The following ANKRD30B variants were observed in gnomAD, a reference collection of about 807,000 sequenced individuals.
ANKRD30B encodes ankyrin repeat domain 30B.
ANKRD30B carries 144 observed loss-of-function variants against 202.2 expected under a neutral mutation model. That is an observed-to-expected ratio of 0.71 (90% CI 0.62 to 0.82). ANKRD30B has a LOEUF of 0.82. Ranked by LOEUF, ANKRD30B falls within the 40% of genes least tolerant of loss-of-function variation. The pLI is 0.00. For missense variants in ANKRD30B, 1,487 were observed against 1,669.1 expected (o/e 0.89, Z 1.90); for synonymous variants, 508 against 561.3 (o/e 0.91, Z 1.34).
rs56844279 is a variant in ANKRD30B, at chr18:14,771,819, G to A, written c.1257-337G>A. 1.4e-3 allele frequency among the ~76,000 whole-genome samples: 216 copies of A among 152,242 alleles called. 1 individual carries two copies. Among genetic ancestry groups the A allele is most frequent in the African/African-American group, 4.9e-3 (205 of 41,558 alleles). ...ATGTCAGCCATTAAGTAGATTTCCA[G>A]TTCATCATTGAGGACAGTTTGTGAG... On this transcript the variant is annotated intron_variant, in intron 8 of 43. Coordinates refer to ENST00000690538, the MANE Select transcript of ANKRD30B (RefSeq NM_001367607.2).
chr18:14,748,570 G>A lies in ANKRD30B; in HGVS notation c.151G>A (p.Val51Ile), dbSNP rs1912855794. The change falls in exon 1 of 44, where the codon GTC becomes ATC. Residue 51 changes from valine to isoleucine, a missense_variant. Physicochemically the swap from Val to Ile is conservative, Grantham distance 29. Transcript: ENST00000690538. ...CCATACAGCTGCCTCCCGGGGCCAA[G>A]TCCAGAAGCTGGAGAAGATGACAGT... ...KIHTAASRGQVQKLEKMTVGK... is the reference protein window; with the variant it reads ...KIHTAASRGQIQKLEKMTVGK... The A allele has an allele frequency of 1.9e-6, 3 of 1,562,372 alleles. No homozygotes were observed. In the South Asian group the frequency reaches 3.5e-5, roughly 18 times the overall value.
chr18:14,791,061 A>G (rs1336181195), intron 15 of ANKRD30B, among the ~76,000 whole-genome samples: 1 of 152,156 alleles, frequency 6.6e-6, no homozygotes, highest in Non-Finnish European at 1.5e-5. Flanking sequence ...TATTGCCACA[A>G]TTTCAGATCC....
chr18:14,860,942 C>T, the ANKRD30B span, among the ~76,000 whole-genome samples: 3 of 151,620 alleles, frequency 2.0e-5, no homozygotes, highest in African/African-American at 7.2e-5. Context: ...CTCAGGTGAT[C>T]TGCCTGCCTT....
chr18:14,911,419 A>G, the ANKRD30B span, among the ~76,000 whole-genome samples: 1 of 152,176 alleles, frequency 6.6e-6, no homozygotes, highest in Non-Finnish European at 1.5e-5. Context: ...GACTTTGTCA[A>G]AGATAATTTG....
intron 16 of ANKRD30B, among the ~76,000 whole-genome samples, 189 bp from the exon 17 acceptor site, chr18:14,796,032 G>A (rs1369580510): frequency 3.3e-5 from 5 of 151,978 alleles, no homozygotes; most frequent in Non-Finnish European, 1.5e-5. Context: ...TATTTTTTAA[G>A]TTTTCTTAAG....
the ANKRD30B span, among the ~76,000 whole-genome samples, chr18:14,873,513 AG>A: frequency 7.1e-6 from 1 of 141,106 alleles, no homozygotes; most frequent in East Asian, 2.1e-4. Flanking sequence ...TGACAGAGCA[AG>A]ACTCCGTTTC....
At chr18:14,827,975 A>G (rs997653054) in intron 32 of ANKRD30B, among the ~76,000 whole-genome samples, 1 of 152,248 alleles carries the variant, frequency 6.6e-6, no homozygotes, top group African/African-American at 2.4e-5. Flanking sequence ...GTATGGTCCC[A>G]AAAGAATGCT....
chr18:14,823,849 C>T (rs367929819), intron 32 of ANKRD30B, among the ~76,000 whole-genome samples: 2 of 152,076 alleles, frequency 1.3e-5, no homozygotes, highest in Admixed American at 6.6e-5. Context: ...GTGGTGGGTG[C>T]CTGTAATCTC....
the ANKRD30B span, among the ~76,000 whole-genome samples, chr18:14,908,658 CTGTGTCTTTAGCTCCCG>C: frequency 6.6e-6 from 1 of 152,154 alleles, no homozygotes; most frequent in African/African-American, 2.4e-5. Context: ...CTTTTAGTGT[CTGTGTCTTTAGCTCCCG>C]TGTGGAGCCC....
the ANKRD30B span, among the ~76,000 whole-genome samples, chr18:14,869,145 G>A: frequency 5.9e-5 from 9 of 152,290 alleles, no homozygotes; most frequent in South Asian, 1.0e-3. Context: ...CAGCTCCATT[G>A]GAGAAGAGAT....
the ANKRD30B span, among the ~76,000 whole-genome samples, chr18:14,896,432 A>G: frequency 2.6e-5 from 4 of 152,012 alleles, no homozygotes; most frequent in African/African-American, 9.7e-5. Context: ...CGCCCGGCCT[A>G]TCTGCTCAAT....
rs1361719407 is a variant in ANKRD30B at position 14,748,319 on chromosome 18, G to A, written c.-101G>A. On this transcript the variant is annotated 5_prime_UTR_variant, in exon 1 of 44. Coordinates refer to ENST00000690538, the MANE Select transcript of ANKRD30B (RefSeq NM_001367607.2). ...GAAGACGGGCGAGTGCGAGCCGGGG[G>A]CGGGTGCTGGGGAAGGGTAAGCGGG... 6 of 985,926 alleles carry A rather than the reference G, an allele frequency of 6.1e-6. No individual in the cohort carries two copies. The highest frequency in any genetic ancestry group is 3.3e-5 in the African/African-American group (2 of 60,518). The allele number at this position is 985,926 out of a possible 1,614,324, so 61.1% of individuals were successfully genotyped here.
the ANKRD30B span, among the ~76,000 whole-genome samples, chr18:14,896,444 A>G: frequency 1.3e-5 from 2 of 151,802 alleles, no homozygotes; most frequent in East Asian, 3.9e-4. Context: ...CTGCTCAATT[A>G]TTTTTTTAAA....
At chr18:14,935,691 T>C in the ANKRD30B span, among the ~76,000 whole-genome samples, 1 of 152,336 alleles carries the variant, frequency 6.6e-6, no homozygotes, top group Admixed American at 6.5e-5. Flanking sequence ...TGCATGTGGG[T>C]ATATGTGTAG....
chr18:14,757,877 A>G lies in ANKRD30B; in HGVS notation c.680A>G (p.Gln227Arg). Residue 227 changes from glutamine to arginine, a missense_variant, in exon 5 of 44, where the codon CAA becomes CGA. This residue lies in a region of ANKRD30B where 889 missense variants were observed against 841.4 expected (regional missense o/e 1.06). Coordinates refer to ENST00000690538, the MANE Select transcript of ANKRD30B (RefSeq NM_001367607.2). ...SSEIVGMLLQ[Q>R]NVDVFAEDIH... is the part of the protein sequence containing the mutation. ...GAGATAGTCGGCATGCTTCTTCAGC[A>G]AAATGTTGACGTCTTTGCTGAAGAC... 2 of 1,613,720 alleles carry G rather than the reference A, an allele frequency of 1.2e-6. No individual in the cohort carries two copies.
the ANKRD30B span, among the ~76,000 whole-genome samples, chr18:14,894,029 T>C: frequency 2.6e-5 from 4 of 152,034 alleles, no homozygotes; most frequent in Non-Finnish European, 2.9e-5. Flanking sequence ...GTCAAGCACA[T>C]TGACCATTTA....
At chr18:14,878,706 T>C in the ANKRD30B span, among the ~76,000 whole-genome samples, 2 of 152,220 alleles carry the variant, frequency 1.3e-5, no homozygotes, top group Non-Finnish European at 2.9e-5. Context: ...GGTGCTTCTT[T>C]TCCTGGGTTT....
chr18:14,896,364 C>CTTG, the ANKRD30B span, among the ~76,000 whole-genome samples: 9 of 152,098 alleles, frequency 5.9e-5, no homozygotes, highest in Non-Finnish European at 1.5e-5. Context: ...ATCTCCTGAC[C>CTTG]TTGTGATCTG....
In ANKRD30B at chr18:14,850,195, T is replaced by G; in HGVS notation, c.3396-19T>G. On this transcript the variant is annotated intron_variant, in intron 40 of 43. Transcript: ENST00000690538. Reference sequence around the variant, plus strand: ...TTTTCTAACAAAATGAATTTTAAGATAAGTATGTTTAATGGCAGATTGACT... The same window carrying G: ...TTTTCTAACAAAATGAATTTTAAGAGAAGTATGTTTAATGGCAGATTGACT... The G allele has an allele frequency of 1.4e-6, 2 of 1,440,058 alleles. No homozygotes were observed. Among genetic ancestry groups the G allele is most frequent in the South Asian group, 1.4e-5 (1 of 71,680 alleles). The allele number at this position is 1,440,058 out of a possible 1,614,324, so 89.2% of individuals were successfully genotyped here.
Sources: gnomAD v4.1 joint callset for allele counts (sites outside exome capture counted in the v4.1 genomes callset) on GRCh38, gnomAD v4.1.1 for gene constraint, gnomAD v4.1.1 regional missense constraint, MANE v1.5 for transcripts, NCBI Gene and HGNC (gene_info 2026-07-23, HGNC 2026-07-21) for gene names.